MYO10: variants seen among roughly 807,000 people sequenced by gnomAD.
MYO10 encodes the protein myosin X.
Under a neutral mutation model 257.3 loss-of-function variants are expected in MYO10, and 133 were observed. The observed-to-expected ratio is 0.52, with a 90% CI of 0.45 to 0.60. The LOEUF is 0.60. MYO10 is among the 20% of genes least tolerant of loss of function. The probability of loss-of-function intolerance (pLI) is 0.00; values close to 1 mark genes in which losing one functional copy is unlikely to be tolerated. For missense variants in MYO10, 2,399 were observed against 2,635.7 expected (o/e 0.91, Z 1.97); for synonymous variants, 1,104 against 1,028.6 (o/e 1.07, Z -1.40).
chr5:16,713,432 A>C (rs542430506), intron 19 of MYO10: 1 of 985,806 alleles, frequency 1.0e-6, no homozygotes, highest in East Asian at 1.1e-4. Context: ...CCACAGCTAA[A>C]GACATGGAAC....
In MYO10 at chr5:16,684,008, G is replaced by T. The variant is rs1376404355; in HGVS notation, c.3991-73C>A. ...GGTGCACACTACAGTAATACCTCTA[G>T]CCCACAACTCCCAATCAGACAGAAA... On this transcript the variant is annotated intron_variant, in intron 29 of 40. Coordinates refer to ENST00000513610, the MANE Select transcript of MYO10 (RefSeq NM_012334.3). The T allele has an allele frequency of 1.1e-5, 14 of 1,331,144 alleles. No individual in the cohort carries two copies. The East Asian group carries it at 3.1e-4, about 30-fold the overall frequency. 82.5% of individuals were successfully genotyped at this position (1,331,144 alleles called of 1,614,324 possible). A position where few individuals can be genotyped will look rare whatever the true frequency, so the allele number is the denominator to read the frequency against.
Position 16,709,771 on chromosome 5 carries a change from G to A in MYO10, c.2169+1137C>T, listed in dbSNP as rs548167844. On this transcript the variant is annotated intron_variant, in intron 21 of 40. Coordinates refer to ENST00000513610, the MANE Select transcript of MYO10 (RefSeq NM_012334.3). ...CAATGTGTGTTGTTAAAGCCATGAA[G>A]TTTGCAGTAATGTATTACAAAGCAA... Among the ~76,000 whole-genome samples the A allele has an allele frequency of 2.0e-4, 30 of 152,294 alleles. No individual in the cohort carries two copies. In the East Asian group the frequency reaches 5.0e-3, roughly 25 times the overall value.
intron 1 of MYO10, among the ~76,000 whole-genome samples, chr5:16,913,236 CT>C (rs1235758533): frequency 2.0e-5 from 3 of 152,122 alleles, no homozygotes; most frequent in African/African-American, 7.2e-5. Context: ...ATACAAGCCA[CT>C]GCCAAAATTC....
chr5:16,768,890 G>A (rs1740961975), intron 10 of MYO10, among the ~76,000 whole-genome samples, 184 bp downstream of exon 10: 1 of 151,776 alleles, frequency 6.6e-6, no homozygotes, highest in African/African-American at 2.4e-5. Flanking sequence ...TGCCCAGGCT[G>A]GTCTCGAACT....
chr5:16,892,696 T>C lies in MYO10; in HGVS notation c.22-14989A>G, dbSNP rs905397599. Among the ~76,000 whole-genome samples, 10 of 152,222 alleles carry C rather than the reference T, an allele frequency of 6.6e-5. No individual in the cohort carries two copies. The South Asian group carries it at 2.1e-3, about 32-fold the overall frequency. ...ATAGGTCTTCAACCCAACAAAGCAG[T>C]ACCTGTATTTGGGGTCTTGCTGCTG... On this transcript the variant is annotated intron_variant, in intron 1 of 40. Coordinates refer to ENST00000513610, the MANE Select transcript of MYO10 (RefSeq NM_012334.3).
intron 4 of MYO10, among the ~76,000 whole-genome samples, chr5:16,787,918 G>A (rs916323203): frequency 6.6e-5 from 10 of 152,044 alleles, no homozygotes; most frequent in African/African-American, 2.2e-4. Flanking sequence ...CCTGCCTCCC[G>A]AGTAGCTGGG....
Position 16,680,088 on chromosome 5 carries a change from G to C in MYO10, c.4401C>G (p.Thr1467=), listed in dbSNP as rs748022522. The C allele has an allele frequency of 1.2e-6, 2 of 1,612,084 alleles. No homozygotes were observed. The highest frequency in any genetic ancestry group is 1.7e-6 in the Non-Finnish European group (2 of 1,178,486). ...IFKETGYWNV[T]VYGRKHCYRL... is the part of the protein sequence containing the mutation. ...GGTAACAGTGCTTGCGCCCGTACAC[G>C]GTGACGTTCCAGTAGCCTGCAATGG... The change falls in exon 33 of 41, where the codon ACC becomes ACG. Residue 1467 remains threonine, a synonymous_variant. Coordinates refer to ENST00000513610, the MANE Select transcript of MYO10 (RefSeq NM_012334.3).
In MYO10 at chr5:16,666,660, G is replaced by C; in HGVS notation, c.*32C>G. 1.9e-6 allele frequency: 3 copies of C among 1,550,724 alleles called. No homozygotes were observed. Among genetic ancestry groups the C allele is most frequent in the African/African-American group, 1.3e-5 (1 of 74,102 alleles). ...CCTAGGCCAGAGGGTGGTGCGTTCA[G>C]GTAGCAAAGACAGGTGGGCTCTGTC... On this transcript the variant is annotated 3_prime_UTR_variant, in exon 41 of 41. Transcript: ENST00000513610.
rs16869231 is a variant in MYO10, at chr5:16,912,466, G to A, written c.21+23322C>T. Among the ~76,000 whole-genome samples the A allele has an allele frequency of 9.0e-3, 1,363 of 152,072 alleles. 24 individuals carry two copies. Among genetic ancestry groups the A allele is most frequent in the African/African-American group, 0.031 (1,274 of 41,460 alleles). ...CCCATATTTGTAGCCTTTGTACACC[G>A]TGCCTTACATAGTCTGGGTCTCAAT... On this transcript the variant is annotated intron_variant, in intron 1 of 40. Transcript: ENST00000513610.
intron 19 of MYO10, among the ~76,000 whole-genome samples, chr5:16,734,211 C>G (rs1311942595): frequency 6.6e-6 from 1 of 152,132 alleles, no homozygotes; most frequent in Non-Finnish European, 1.5e-5. Context: ...CCTCACCTGT[C>G]CTTATTAACA....
rs553127464 is a variant in MYO10 at position 16,857,879 on chromosome 5, A to C, written c.120+19730T>G. Among the ~76,000 whole-genome samples, 13 of 152,322 alleles carry C rather than the reference A, an allele frequency of 8.5e-5. No individual in the cohort carries two copies. The East Asian group carries it at 2.5e-3, about 29-fold the overall frequency. On this transcript the variant is annotated intron_variant, in intron 2 of 40. Transcript: ENST00000513610. ...TAGTGGCCCAGGAATCTCATTAAGT[A>C]GCTCCTCAAGTCATTCCAATGTGTA...
intron 3 of MYO10, among the ~76,000 whole-genome samples, chr5:16,815,778 A>C (rs1427612476): frequency 2.0e-5 from 3 of 152,190 alleles, no homozygotes; most frequent in African/African-American, 7.2e-5. Context: ...GTCATCTACA[A>C]GGGGATCTTT....
intron 26 of MYO10, 124 bp downstream of exon 26, chr5:16,699,326 A>G (rs2126543846): frequency 7.7e-7 from 1 of 1,290,370 alleles, no homozygotes; most frequent in Non-Finnish European, 1.0e-6. Flanking sequence ...CGACTTTCCC[A>G]GTCCCCATCC....
At chr5:16,732,133 G>C (rs746626917) in intron 19 of MYO10, among the ~76,000 whole-genome samples, 1 of 151,968 alleles carries the variant, frequency 6.6e-6, no homozygotes, top group African/African-American at 2.4e-5. Flanking sequence ...TAAAATTAGG[G>C]GTTTAATAAT....
At chr5:16,805,403 A>G (rs1742242249) in intron 3 of MYO10, among the ~76,000 whole-genome samples, 1 of 142,430 alleles carries the variant, frequency 7.0e-6, no homozygotes, top group Admixed American at 7.7e-5. Context: ...CAGAGATTGC[A>G]GTGAACCATC....
chr5:16,769,922 TTTTTGTTTTGTTTTG>T (rs113352233), intron 9 of MYO10, among the ~76,000 whole-genome samples: 203 of 152,016 alleles, frequency 1.3e-3, no homozygotes, highest in African/African-American at 4.7e-3. Flanking sequence ...AGGGGGTGTA[TTTTTGTTTTGTTTTG>T]TTTTGTTTTG....
chr5:16,914,020 C>T (rs1287405359), intron 1 of MYO10, among the ~76,000 whole-genome samples: 1 of 152,180 alleles, frequency 6.6e-6, no homozygotes. Flanking sequence ...TCCCTGGAAA[C>T]ACACCTGAAG....
intron 19 of MYO10, among the ~76,000 whole-genome samples, chr5:16,731,724 A>G (rs1172994250): frequency 6.6e-6 from 1 of 152,238 alleles, no homozygotes; most frequent in East Asian, 1.9e-4. Flanking sequence ...ATTACCCAAG[A>G]CAAGGCTGGC....
At chr5:16,814,292 C>A (rs1472899079) in intron 3 of MYO10, among the ~76,000 whole-genome samples, 2 of 152,122 alleles carry the variant, frequency 1.3e-5, no homozygotes, top group African/African-American at 4.8e-5. Context: ...CAGGCGCCCG[C>A]CACCACACCC....
Sources: gnomAD v4.1 joint callset for allele counts (sites outside exome capture counted in the v4.1 genomes callset) on GRCh38, gnomAD v4.1.1 for gene constraint, MANE v1.5 for transcripts, NCBI Gene and HGNC (gene_info 2026-07-23, HGNC 2026-07-21) for gene names.